CSMD3: variants seen among roughly 807,000 people sequenced by gnomAD.
The protein encoded by CSMD3 is CUB and Sushi multiple domains 3, also known as CUB and sushi domain-containing protein 3.
Under a neutral mutation model 435.2 loss-of-function variants are expected in CSMD3, and 177 were observed. That is an observed-to-expected ratio of 0.41 (90% CI 0.36 to 0.46). The LOEUF (loss-of-function observed/expected upper bound fraction) is 0.46, where lower values mean the gene tolerates loss of function less well. Ranked by LOEUF, CSMD3 falls within the 20% of genes least tolerant of loss-of-function variation. CSMD3 has a pLI of 0.34. For missense variants in CSMD3, 4,265 were observed against 4,504.6 expected, an observed-to-expected ratio of 0.95 and a Z score of 1.52; for synonymous variants, 1,656 against 1,520.5, an observed-to-expected ratio of 1.09 and a Z score of -2.07.
At chr8:112,875,982 G>A (rs1322545299) in intron 10 of CSMD3, among the ~76,000 whole-genome samples, 1 of 152,048 alleles carries the variant, frequency 6.6e-6, no homozygotes, top group African/African-American at 2.4e-5. Flanking sequence ...TGATCCTTTG[G>A]AAAATAAGAG....
At chr8:113,261,108 T>G (rs1283000107) in intron 3 of CSMD3, among the ~76,000 whole-genome samples, 1 of 152,116 alleles carries the variant, frequency 6.6e-6, no homozygotes, top group African/African-American at 2.4e-5. Context: ...GTGAAGTACA[T>G]ACAGATGGGC....
At chr8:112,908,925 A>G (rs2082333616) in intron 10 of CSMD3, among the ~76,000 whole-genome samples, 1 of 151,590 alleles carries the variant, frequency 6.6e-6, no homozygotes, top group African/African-American at 2.4e-5. Flanking sequence ...AACAAAGTAA[A>G]TACAAATAAT....
intron 1 of CSMD3, among the ~76,000 whole-genome samples, chr8:113,418,984 G>T (rs898322596): frequency 2.0e-5 from 3 of 152,156 alleles, no homozygotes; most frequent in African/African-American, 7.2e-5. Context: ...TTCTGCACCT[G>T]CAAGAGATTT....
chr8:113,358,327 C>T (rs2094247085), intron 1 of CSMD3, among the ~76,000 whole-genome samples: 1 of 152,152 alleles, frequency 6.6e-6, no homozygotes, highest in African/African-American at 2.4e-5. Flanking sequence ...AAAAGCTGTA[C>T]TGCACACATA....
At chr8:113,364,115 G>T (rs2094295788) in intron 1 of CSMD3, among the ~76,000 whole-genome samples, 1 of 152,046 alleles carries the variant, frequency 6.6e-6, no homozygotes. Context: ...ATTTGTTAAA[G>T]AATTCTTATG....
At position 112,263,221 on chromosome 8, in the gene CSMD3, C is replaced by T. The variant is rs186541862; in HGVS notation, c.9862+418G>A. 1.8e-3 allele frequency among the ~76,000 whole-genome samples: 269 copies of T among 151,250 alleles called. 1 individual carries two copies. The highest frequency in any genetic ancestry group is 6.3e-3 in the African/African-American group (261 of 41,226). ...ACCCTGGTAATTTTAGATGTAAAAT[C>T]CCAATCATTATCATGACAAATGCCA... On this transcript the variant is annotated intron_variant, in intron 61 of 70. Coordinates refer to ENST00000297405, the MANE Select transcript of CSMD3 (RefSeq NM_198123.2).
At chr8:113,075,601 C>A (rs2131424986) in intron 5 of CSMD3, among the ~76,000 whole-genome samples, 1 of 151,872 alleles carries the variant, frequency 6.6e-6, no homozygotes, top group Admixed American at 6.6e-5. Flanking sequence ...TTGGCTAATT[C>A]ATTTCTCATC....
chr8:113,350,352 C>G (rs1488784997), intron 1 of CSMD3, among the ~76,000 whole-genome samples: 2 of 152,102 alleles, frequency 1.3e-5, no homozygotes, highest in African/African-American at 4.8e-5. Context: ...GAGTTAACTT[C>G]AAACTCTTTT....
intron 4 of CSMD3, among the ~76,000 whole-genome samples, chr8:113,127,601 G>A (rs752077035): frequency 6.6e-6 from 1 of 151,838 alleles, no homozygotes; most frequent in Non-Finnish European, 1.5e-5. Flanking sequence ...CACATCACCA[G>A]GTTTACTCCT....
intron 6 of CSMD3, among the ~76,000 whole-genome samples, chr8:113,008,376 T>G (rs963037352): frequency 1.3e-5 from 2 of 151,884 alleles, no homozygotes; most frequent in African/African-American, 4.8e-5. Flanking sequence ...ATTTTTGAAC[T>G]AATTTCTTAT....
intron 13 of CSMD3, among the ~76,000 whole-genome samples, chr8:112,774,690 T>C (rs2132215615): frequency 6.6e-6 from 1 of 152,122 alleles, no homozygotes; most frequent in East Asian, 1.9e-4. Context: ...TAGAGACAAT[T>C]CATTTTGTCT....
At chr8:112,527,681 G>C (rs1825113260) in intron 27 of CSMD3, among the ~76,000 whole-genome samples, 1 of 151,784 alleles carries the variant, frequency 6.6e-6, no homozygotes, top group African/African-American at 2.4e-5. Context: ...AGTAAAACAA[G>C]TCTCAGTAAA....
At chr8:112,755,373 T>TAATAATA (rs2077673986) in intron 13 of CSMD3, among the ~76,000 whole-genome samples, 1 of 149,550 alleles carries the variant, frequency 6.7e-6, no homozygotes, top group African/African-American at 2.4e-5. Context: ...ATAATAATAA[T>TAATAATA]GAGGGCGATT....
chr8:112,342,274 A>G (rs557738986), intron 41 of CSMD3, among the ~76,000 whole-genome samples: 1 of 152,234 alleles, frequency 6.6e-6, no homozygotes, highest in South Asian at 2.1e-4. Flanking sequence ...TCATTGTTAT[A>G]TGTGGTCATA....
chr8:112,226,833 A>G (rs964638707), intron 70 of CSMD3, among the ~76,000 whole-genome samples: 1 of 152,192 alleles, frequency 6.6e-6, no homozygotes, highest in Admixed American at 6.5e-5. Context: ...GAAAATGGAA[A>G]TCAAAACCAC....
chr8:112,801,411 T>C (rs2078959601), intron 12 of CSMD3, among the ~76,000 whole-genome samples: 1 of 151,998 alleles, frequency 6.6e-6, no homozygotes, highest in Non-Finnish European at 1.5e-5. Flanking sequence ...TGTTACAGGA[T>C]TTATGGGAAT....
chr8:112,464,744 A>G lies in CSMD3; in HGVS notation c.5395+7847T>C, dbSNP rs536141995. On this transcript the variant is annotated intron_variant, in intron 32 of 70. Coordinates refer to ENST00000297405, the MANE Select transcript of CSMD3 (RefSeq NM_198123.2). ...GGGTTCTAAATTAAGTGCAACATCT[A>G]CTGAGATGCACCACTTAGCAAACCT... Among the ~76,000 whole-genome samples the G allele has an allele frequency of 5.1e-4, 78 of 152,322 alleles. 1 individual carries two copies. Among genetic ancestry groups the G allele is most frequent in the African/African-American group, 1.6e-3 (68 of 41,578 alleles).
intron 27 of CSMD3, among the ~76,000 whole-genome samples, chr8:112,536,417 A>T (rs1826086143): frequency 6.6e-6 from 1 of 152,244 alleles, no homozygotes; most frequent in African/African-American, 2.4e-5. Context: ...AACCACATGA[A>T]AAAATGCTCA....
intron 4 of CSMD3, among the ~76,000 whole-genome samples, chr8:113,100,556 T>A (rs1260038130): frequency 1.3e-5 from 2 of 152,068 alleles, no homozygotes; most frequent in Non-Finnish European, 2.9e-5. Flanking sequence ...TTCCTCTGGA[T>A]AAAATCTGAA....
Sources: allele counts gnomAD v4.1 joint callset (sites outside exome capture counted in the v4.1 genomes callset), GRCh38; gene constraint gnomAD v4.1.1; transcripts MANE v1.5; gene names NCBI Gene and HGNC (gene_info 2026-07-23, HGNC 2026-07-21).